SYT2: variants seen among roughly 807,000 people sequenced by gnomAD.
The protein encoded by SYT2 is synaptotagmin-2.
SYT2 carries 15 observed loss-of-function variants against 39.9 expected under a neutral mutation model. The ratio of observed to expected loss-of-function variants is 0.38; its 90% CI spans 0.25 to 0.58. The LOEUF (loss-of-function observed/expected upper bound fraction) is 0.58, where lower values mean the gene tolerates loss of function less well. SYT2 is among the 20% of genes least tolerant of loss of function. The pLI, the probability that SYT2 is intolerant of heterozygous loss-of-function variation, is 0.70. For synonymous variants in SYT2, 181 were observed against 204.5 expected, an observed-to-expected ratio of 0.89 and a Z score of 0.98; for missense variants, 389 against 530.3, an observed-to-expected ratio of 0.73 and a Z score of 2.62.
intron 1 of SYT2, among the ~76,000 whole-genome samples, chr1:202,691,795 T>C (rs72750639): frequency 0.41 from 34,701 of 84,756 alleles, 5,912 homozygotes; most frequent in South Asian, 0.53. Flanking sequence ...TGGGAGAGGG[T>C]GGGAAGAAAA....
intron 3 of SYT2, among the ~76,000 whole-genome samples, chr1:202,603,625 T>G (rs1690599199): frequency 6.6e-6 from 1 of 152,126 alleles, no homozygotes; most frequent in Non-Finnish European, 1.5e-5. Context: ...AACCAGCCCC[T>G]GAAGTCACCA....
intron 1 of SYT2, among the ~76,000 whole-genome samples, chr1:202,699,042 G>C (rs1173430326): frequency 7.7e-6 from 1 of 129,460 alleles, no homozygotes; most frequent in Admixed American, 8.7e-5. Flanking sequence ...TTGAGACACA[G>C]GGTCTTGCTC....
intron 1 of SYT2, among the ~76,000 whole-genome samples, chr1:202,676,934 C>T (rs1572673533): frequency 6.6e-6 from 1 of 152,280 alleles, no homozygotes; most frequent in East Asian, 1.9e-4. Flanking sequence ...GGCAGACTTC[C>T]CCCTTGCTGT....
Position 202,654,328 on chromosome 1 carries a change from C to A in SYT2, c.-17-48539G>T, listed in dbSNP as rs116571045. ...CTCCACTGCAACTCTGCTGCCCACG[C>A]TCCCTGGCAGACCCACTTTCTGAGC... On this transcript the variant is annotated intron_variant, in intron 1 of 8. Coordinates refer to ENST00000367268, the MANE Select transcript of SYT2 (RefSeq NM_177402.5). 5.6e-3 allele frequency among the ~76,000 whole-genome samples: 850 copies of A among 152,280 alleles called. 5 individuals are homozygous for A. Among genetic ancestry groups the A allele is most frequent in the African/African-American group, 0.019 (785 of 41,536 alleles).
rs1180251465 is a variant in SYT2, at chr1:202,592,831, A to C, written c.*3926T>G. On this transcript the variant is annotated 3_prime_UTR_variant, in exon 9 of 9. Transcript: ENST00000367268. ...AGGGTAGGGTTCCCAGACACAATGC[A>C]GGATGACCAGTTACATTTGAATTTC... 2 of 152,230 alleles carry C rather than the reference A, an allele frequency of 1.3e-5. No homozygotes were observed. The highest frequency in any genetic ancestry group is 2.9e-5 in the Non-Finnish European group (2 of 68,036). The allele number at this position is 152,230 out of a possible 1,614,324, so 9.4% of individuals were successfully genotyped here.
chr1:202,604,800 C>G (rs1465579555), intron 2 of SYT2, among the ~76,000 whole-genome samples, 179 bp from the exon 3 acceptor site: 5 of 142,232 alleles, frequency 3.5e-5, no homozygotes, highest in African/African-American at 1.3e-4. Context: ...CTTTGCATGC[C>G]TTTTCAATCA....
At chr1:202,701,748 G>A (rs1464530710) in intron 1 of SYT2, among the ~76,000 whole-genome samples, 2 of 152,106 alleles carry the variant, frequency 1.3e-5, no homozygotes, top group East Asian at 3.9e-4. Flanking sequence ...TTGACCTTAT[G>A]GACCCCCCTG....
At chr1:202,617,002 G>A (rs988805782) in intron 1 of SYT2, among the ~76,000 whole-genome samples, 4 of 152,192 alleles carry the variant, frequency 2.6e-5, no homozygotes, top group Non-Finnish European at 5.9e-5. Context: ...CAGTCATGTC[G>A]CCAAAAATGA....
intron 3 of SYT2, chr1:202,604,252 A>G: frequency 1.7e-6 from 1 of 593,524 alleles, no homozygotes; most frequent in Non-Finnish European, 3.0e-6. Context: ...GGATGAGTTC[A>G]TGCTAACACA....
intron 1 of SYT2, among the ~76,000 whole-genome samples, chr1:202,647,500 C>G (rs1386196958): frequency 6.6e-6 from 1 of 152,102 alleles, no homozygotes; most frequent in Non-Finnish European, 1.5e-5. Flanking sequence ...CAGCTGAACC[C>G]TGCAACAGTA....
Position 202,599,513 on chromosome 1 carries a change from G to A in SYT2, c.920-162C>T, listed in dbSNP as rs939163993. On this transcript the variant is annotated intron_variant, in intron 7 of 8. Transcript: ENST00000367268. The surrounding 1 kb of genome is among the most constrained non-coding windows in gnomAD (Gnocchi z 4.4). ...AAGTCATGCCATCCAGTTCAAAGGT[G>A]GCAAAAGGCTTCACCTCCAGGACCA... Among the ~76,000 whole-genome samples, 7 of 152,134 alleles carry A rather than the reference G, an allele frequency of 4.6e-5. No homozygotes were observed. Among genetic ancestry groups the A allele is most frequent in the Non-Finnish European group, 1.0e-4 (7 of 68,030 alleles).
At chr1:202,642,702 C>A (rs4950862) in intron 1 of SYT2, among the ~76,000 whole-genome samples, 152,322 of 152,350 alleles carry the variant, frequency 1, 76,147 homozygotes, top group Non-Finnish European at 1. Context: ...GCAAACCGCC[C>A]GTGCCTCCGG....
chr1:202,691,730 GGGGAGAGAGAGAGAGAGAGAGAGAGA>G (rs1653835482), intron 1 of SYT2, among the ~76,000 whole-genome samples: 6 of 13,818 alleles, frequency 4.3e-4, no homozygotes, highest in African/African-American at 9.9e-4. Context: ...AGGGAGAGGG[GGGGAGAGAGAGAGAGAGAGAGAGAGA>G]GAGAGAGAGA....
In SYT2 at chr1:202,628,784, G is replaced by A. The variant is rs115437279; in HGVS notation, c.-17-22995C>T. Among the ~76,000 whole-genome samples, 2,647 of 152,312 alleles carry A rather than the reference G, an allele frequency of 0.017. 71 individuals carry two copies. The highest frequency in any genetic ancestry group is 0.06 in the African/African-American group (2,482 of 41,532). On this transcript the variant is annotated intron_variant, in intron 1 of 8. Coordinates refer to ENST00000367268, the MANE Select transcript of SYT2 (RefSeq NM_177402.5). This position sits in a 1 kb window ranked among gnomAD's most constrained non-coding sequence, Gnocchi z 4.2. The stretch of plus-strand genomic sequence containing the variant: ...GGATCCAAACCTAGAAGACAGCTCC[G>A]CTGAGGAAGAGGAGCCAAGTGAAAC...
chr1:202,645,061 C>T (rs945598900), intron 1 of SYT2, among the ~76,000 whole-genome samples: 12 of 152,108 alleles, frequency 7.9e-5, no homozygotes, highest in Non-Finnish European at 1.5e-5. Flanking sequence ...AGGGTGTGTG[C>T]GTGTGTTCAT....
chr1:202,662,453 C>T (rs1224451523), intron 1 of SYT2, among the ~76,000 whole-genome samples: 1 of 152,266 alleles, frequency 6.6e-6, no homozygotes. Context: ...TACTAAAACT[C>T]ACTGAGGCCA....
At chr1:202,687,590 C>T (rs1477126602) in intron 1 of SYT2, among the ~76,000 whole-genome samples, 2 of 148,556 alleles carry the variant, frequency 1.3e-5, no homozygotes, top group East Asian at 4.1e-4. Flanking sequence ...GGAGAAAGAG[C>T]CTTATACAGA....
chr1:202,640,450 C>A (rs12737249), intron 1 of SYT2, among the ~76,000 whole-genome samples: 35,348 of 151,984 alleles, frequency 0.23, 4,348 homozygotes, highest in African/African-American at 0.28. Context: ...TGGGAGTCCC[C>A]CTCCAGGTTG....
At chr1:202,624,600 T>G (rs1257017335) in intron 1 of SYT2, among the ~76,000 whole-genome samples, 3 of 130,220 alleles carry the variant, frequency 2.3e-5, no homozygotes, top group Non-Finnish European at 4.9e-5. Context: ...GTGGTATCTG[T>G]GTGGTGTGTG....
Sources: allele counts gnomAD v4.1 joint callset (sites outside exome capture counted in the v4.1 genomes callset), GRCh38; gene constraint gnomAD v4.1.1; non-coding constraint Gnocchi (gnomAD v3.1); transcripts MANE v1.5; gene names NCBI Gene and HGNC (gene_info 2026-07-23, HGNC 2026-07-21).